LSP1: variants seen among roughly 807,000 people sequenced by gnomAD.
LSP1 encodes the protein lymphocyte specific protein 1.
A neutral mutation model predicts 49.3 loss-of-function variants in LSP1; 32 were observed. That is an observed-to-expected ratio of 0.65 (90% CI 0.49 to 0.87). The LOEUF is 0.87. LSP1 is among the 40% of genes least tolerant of loss of function. LSP1 has a pLI of 0.00. For synonymous variants in LSP1, 179 were observed against 178.8 expected (o/e 1.00, Z -0.01); for missense variants, 428 against 442.6 (o/e 0.97, Z 0.30).
Position 1,883,499 on chromosome 11 carries a change from G to A in LSP1, c.437G>A (p.Gly146Asp), listed in dbSNP as rs756566635. Residue 146 changes from glycine to aspartate, a missense_variant, in exon 4 of 11, where the codon GGC (glycine) becomes GAC (aspartate). Transcript: ENST00000311604. ...TTGAGTCTGAGCAAGGAGGGGCCAG[G>A]CCCAGAGGACACTGTCCAGGACAAC... ...EELSLSKEGP[G>D]PEDTVQDNLG... The A allele has an allele frequency of 3.1e-6, 5 of 1,613,998 alleles. No individual in the cohort carries two copies. The highest frequency in any genetic ancestry group is 4.5e-5 in the East Asian group (2 of 44,884).
intron 1 of LSP1, chr11:1,870,286 ACCAAAGCTTACTC>A: frequency 1.5e-6 from 2 of 1,302,190 alleles, no homozygotes; most frequent in Non-Finnish European, 2.0e-6. Context: ...TCAGGGAGGC[ACCAAAGCTTACTC>A]CCATCCTGGG....
At chr11:1,866,824 C>A in intron 1 of LSP1, 1 of 1,549,806 alleles carries the variant, frequency 6.5e-7, no homozygotes, top group Non-Finnish European at 8.7e-7. Context: ...AGAGCCCCTG[C>A]CTGGCTGTGC....
At chr11:1,870,482 G>C in intron 1 of LSP1, 1 of 1,197,460 alleles carries the variant, frequency 8.4e-7, no homozygotes, top group South Asian at 1.6e-5. Flanking sequence ...GGAGGGGCCG[G>C]TGGCCAGGCC....
At chr11:1,879,891 G>T (rs565671743) in intron 1 of LSP1, among the ~76,000 whole-genome samples, 196 bp from the exon 2 acceptor site, 1 of 152,318 alleles carries the variant, frequency 6.6e-6, no homozygotes, top group East Asian at 1.9e-4. Flanking sequence ...GGGCCAGAGG[G>T]CACCTCATGA....
At chr11:1,869,997 T>A (rs2133077795) in intron 1 of LSP1, among the ~76,000 whole-genome samples, 2 of 152,244 alleles carry the variant, frequency 1.3e-5, no homozygotes, top group Middle Eastern at 6.8e-3. Flanking sequence ...CTGGGACCCC[T>A]GCGTGAGACG....
At chr11:1,874,589 C>T (rs927088615) in intron 1 of LSP1, among the ~76,000 whole-genome samples, 6 of 152,100 alleles carry the variant, frequency 3.9e-5, no homozygotes, top group Non-Finnish European at 8.8e-5. Flanking sequence ...GAAAGGGCTC[C>T]TGGTGACCAG....
chr11:1,871,113 A>C, intron 1 of LSP1: 1 of 985,542 alleles, frequency 1.0e-6, no homozygotes, highest in Non-Finnish European at 1.2e-6. Flanking sequence ...AAGGTCCCGC[A>C]GGTCGCCTCG....
chr11:1,876,686 AG>A, intron 1 of LSP1: 1 of 955,210 alleles, frequency 1.0e-6, no homozygotes, highest in Non-Finnish European at 1.2e-6. Context: ...GGGCATTGTC[AG>A]GCCCTCAGCG....
chr11:1,890,491 C>T, intron 10 of LSP1: 1 of 717,192 alleles, frequency 1.4e-6, no homozygotes, highest in Non-Finnish European at 2.6e-6. Context: ...TTGTCCTTCC[C>T]TGGCTTGGGC....
intron 3 of LSP1, among the ~76,000 whole-genome samples, chr11:1,882,906 C>T (rs755325807): frequency 3.2e-4 from 49 of 152,364 alleles, no homozygotes; most frequent in Non-Finnish European, 5.3e-4. Flanking sequence ...TCCCCTCCCC[C>T]GCAGCCGGCA....
intron 10 of LSP1, chr11:1,889,889 G>A: frequency 4.8e-6 from 3 of 627,254 alleles, no homozygotes; most frequent in Non-Finnish European, 8.8e-6. Context: ...GGACTGTGGT[G>A]GGCAGTGGGC....
At chr11:1,880,340 G>A (rs956172992) in intron 2 of LSP1, 116 bp downstream of exon 2, 55 of 1,263,198 alleles carry the variant, frequency 4.4e-5, no homozygotes, top group Non-Finnish European at 5.3e-5. Flanking sequence ...GGATGAGAGC[G>A]AGGAAGGGCC....
chr11:1,855,519 G>A (rs555700666), intron 1 of LSP1, among the ~76,000 whole-genome samples: 5 of 152,312 alleles, frequency 3.3e-5, no homozygotes, highest in African/African-American at 4.8e-5. Flanking sequence ...CAGACTGCCC[G>A]GGACGGGGCC....
intron 1 of LSP1, among the ~76,000 whole-genome samples, chr11:1,873,660 G>A (rs1459336077): frequency 6.6e-6 from 1 of 151,592 alleles, no homozygotes; most frequent in Non-Finnish European, 1.5e-5. Flanking sequence ...GGAGGAGGGA[G>A]GAACTGGACC....
chr11:1,857,477 A>G (rs1381265943), intron 1 of LSP1, among the ~76,000 whole-genome samples: 1 of 152,180 alleles, frequency 6.6e-6, no homozygotes, highest in Non-Finnish European at 1.5e-5. Context: ...GGCAGTGGAA[A>G]GGGCCCAGTG....
At position 1,884,217 on chromosome 11, in the gene LSP1, G is replaced by A; in HGVS notation, c.592-63G>A. ...TTGGATTAGTGGTTGGAGTAGCTGG[G>A]GAGATGGAGGGTGGGCTTTACCTCG... On this transcript the variant is annotated intron_variant, in intron 5 of 10. Coordinates refer to ENST00000311604, the MANE Select transcript of LSP1 (RefSeq NM_002339.3). This position sits in a 1 kb window ranked among gnomAD's most constrained non-coding sequence, Gnocchi z 4.1. 1 of 1,583,568 alleles carries A rather than the reference G, an allele frequency of 6.3e-7. No individual in the cohort carries two copies. The highest frequency in any genetic ancestry group is 1.1e-5 in the South Asian group (1 of 90,528).
intron 1 of LSP1, among the ~76,000 whole-genome samples, chr11:1,854,416 C>T (rs369417769): frequency 1.3e-5 from 2 of 152,328 alleles, no homozygotes; most frequent in East Asian, 1.9e-4. Context: ...GACCACCTCC[C>T]GGCCTTCACA....
chr11:1,870,751 G>A, intron 1 of LSP1: 5 of 997,290 alleles, frequency 5.0e-6, no homozygotes, highest in Non-Finnish European at 6.0e-6. Flanking sequence ...GAGACTTCAG[G>A]GATGTGAGGT....
chr11:1,862,873 C>T (rs1459408710), intron 1 of LSP1, among the ~76,000 whole-genome samples: 1 of 152,160 alleles, frequency 6.6e-6, no homozygotes, highest in Non-Finnish European at 1.5e-5. Flanking sequence ...AAACATTTGT[C>T]CAACCTGAGG....
Sources: gnomAD v4.1 joint callset for allele counts (sites outside exome capture counted in the v4.1 genomes callset) on GRCh38, gnomAD v4.1.1 for gene constraint, Gnocchi (gnomAD v3.1) non-coding constraint, MANE v1.5 for transcripts, NCBI Gene and HGNC (gene_info 2026-07-23, HGNC 2026-07-21) for gene names.